The following COG1 variants were observed in gnomAD, a reference collection of about 807,000 sequenced individuals.
COG1 encodes the protein conserved oligomeric Golgi complex subunit 1.
A neutral mutation model predicts 102.2 loss-of-function variants in COG1; 61 were observed. That is an observed-to-expected ratio of 0.60 (90% confidence interval 0.49 to 0.74). The LOEUF is 0.74. Among genes scored for constraint, COG1 ranks in the 30% least tolerant of loss-of-function variants. The pLI is 0.00. For missense variants in COG1, 1,164 were observed against 1,232.1 expected, an observed-to-expected ratio of 0.94 and a Z score of 0.83; for synonymous variants, 454 against 493.6, an observed-to-expected ratio of 0.92 and a Z score of 1.06.
rs753327660 is a variant in COG1, at chr17:73,199,933, A to C, written c.982A>C (p.Ile328Leu). ...CSWFKHLPAS[I>L]VEFQPTLRTL... is the part of the protein sequence containing the mutation. ...CTGGTTTAAACACCTGCCAGCATCC[A>C]TCGTCGAGTTCCAGCCAACACTCCG... The change falls in exon 5 of 14, where the codon ATC becomes CTC. Residue 328 changes from isoleucine to leucine, a missense_variant. Physicochemically the swap from Ile to Leu is conservative, Grantham distance 5 (BLOSUM62 2). Transcript: ENST00000299886. 6.2e-7 allele frequency: 1 copy of C among 1,614,230 alleles called. No homozygotes were observed. The highest frequency in any genetic ancestry group is 8.5e-7 in the Non-Finnish European group (1 of 1,180,048).
intron 5 of COG1, 24 bp downstream of exon 5, chr17:73,200,045 C>A: frequency 1.2e-6 from 2 of 1,601,350 alleles, no homozygotes; most frequent in South Asian, 2.2e-5. Context: ...AAGAGCTTCC[C>A]TGCAGCTGGC....
At position 73,207,169 on chromosome 17, in the gene COG1, CTT is replaced by C. The variant is rs772384573; in HGVS notation, c.2730-11_2730-10del. ...TGTTTGTGCTACTAAATTCTTTCCTCTTGTTTTGGAGGTTTGGACTTCTCCCA... is the reference window on the plus strand; with the variant it reads ...TGTTTGTGCTACTAAATTCTTTCCTCGTTTTGGAGGTTTGGACTTCTCCCA... On this transcript the variant is annotated splice_polypyrimidine_tract_variant and intron_variant, in intron 12 of 13. Coordinates refer to ENST00000299886, the MANE Select transcript of COG1 (RefSeq NM_018714.3). The C allele has an allele frequency of 1.2e-5, 20 of 1,606,722 alleles. No homozygotes were observed. The highest frequency in any genetic ancestry group is 1.1e-4 in the East Asian group (5 of 44,114).
In COG1 at chr17:73,201,809, T is replaced by G. The variant is rs139676777; in HGVS notation, c.1982T>G (p.Ile661Ser). The change falls in exon 7 of 14, where the codon ATT (isoleucine) becomes AGT (serine). Residue 661 changes from isoleucine to serine, a missense_variant. Physicochemically the swap from Ile to Ser is moderately radical, Grantham distance 142. Transcript: ENST00000299886. ...GGAAAGGTGAAAACTCAGGAAATCA[T>G]TCCTACACAGGCCAAGTGGCAAGAG... ...KQGKVKTQEI[I>S]PTQAKWQEVK... is the part of the protein sequence containing the mutation. 104 of 1,613,978 alleles carry G rather than the reference T, an allele frequency of 6.4e-5. No homozygotes were observed. The highest frequency in any genetic ancestry group is 8.5e-5 in the Non-Finnish European group (100 of 1,180,028).
In COG1 at chr17:73,197,003, TCTC is replaced by T. The variant is rs1167821168; in HGVS notation, c.668_670del (p.Pro223del). 4.3e-6 allele frequency: 7 copies of T among 1,614,148 alleles called. No individual in the cohort carries two copies. The highest frequency in any genetic ancestry group is 3.3e-5 in the Admixed American group (2 of 60,022). ...CTCTATAATGCTCTTAGAAGAGAGT[TCTC>T]CTCGCCAAGCCCTCACAGACTTCCT... On this transcript the variant is annotated inframe_deletion, in exon 3 of 14. Coordinates refer to ENST00000299886, the MANE Select transcript of COG1 (RefSeq NM_018714.3).
chr17:73,201,586 G>T lies in COG1; in HGVS notation c.1759G>T (p.Ala587Ser), dbSNP rs748232299. ...CAAGCACATCGTGGACTGCATCCGG[G>T]CAGAGCTACAGAGCATTGAAGAGGG... ...CIKHIVDCIRAELQSIEEGVQ... is the reference protein window; with the variant it reads ...CIKHIVDCIRSELQSIEEGVQ... The change falls in exon 7 of 14, where the codon GCA becomes TCA. Residue 587 changes from alanine (A) to serine (S), a missense_variant. Ala to Ser is a moderately conservative substitution (Grantham distance 99). Coordinates refer to ENST00000299886, the MANE Select transcript of COG1 (RefSeq NM_018714.3). The T allele has an allele frequency of 6.2e-7, 1 of 1,614,218 alleles. No individual in the cohort carries two copies. Among genetic ancestry groups the T allele is most frequent in the Non-Finnish European group, 8.5e-7 (1 of 1,180,052 alleles).
Position 73,201,982 on chromosome 17 carries a change from T to C in COG1, c.2073+82T>C, listed in dbSNP as rs2061348906. ...TGCCAACCTCAATCAGTTCCTTCAG[T>C]AGTAAAGGCAAAACAATTCTGATTT... On this transcript the variant is annotated intron_variant, in intron 7 of 13. Transcript: ENST00000299886. The C allele has an allele frequency of 4.7e-6, 6 of 1,289,626 alleles. No individual in the cohort carries two copies. The East Asian group carries it at 1.2e-4, about 25-fold the overall frequency. The allele number at this position is 1,289,626 out of a possible 1,614,324, so 79.9% of individuals were successfully genotyped here.
chr17:73,206,260 T>G lies in COG1; in HGVS notation c.2617T>G (p.Ser873Ala), dbSNP rs139330442. ...SNLHRLVQRT[S>A]VLFGLVTGTE... ...CCTTCATCGCCTGGTGCAGCGAACTTCTGTGAGTCAAATCAAAAACATGCT... is the reference window on the plus strand; with the variant it reads ...CCTTCATCGCCTGGTGCAGCGAACTGCTGTGAGTCAAATCAAAAACATGCT... Residue 873 changes from serine to alanine, a missense_variant and splice_region_variant, in exon 11 of 14, where the codon TCT becomes GCT. Ser to Ala is a moderately conservative substitution (Grantham distance 99). Coordinates refer to ENST00000299886, the MANE Select transcript of COG1 (RefSeq NM_018714.3). 1.4e-5 allele frequency: 22 copies of G among 1,613,328 alleles called. No homozygotes were observed. The Middle Eastern group carries it at 5.0e-4, about 36-fold the overall frequency.
In COG1 at chr17:73,200,560, T is replaced by C; in HGVS notation, c.1071-6T>C. On this transcript the variant is annotated splice_polypyrimidine_tract_variant and splice_region_variant and intron_variant, in intron 5 of 13. Coordinates refer to ENST00000299886, the MANE Select transcript of COG1 (RefSeq NM_018714.3). ...ATGGAGCCCAAAGAACATGATTCTGTTGCAGGTGTAATGAAGACATTAAAA... is the reference window on the plus strand; with the variant it reads ...ATGGAGCCCAAAGAACATGATTCTGCTGCAGGTGTAATGAAGACATTAAAA... The C allele has an allele frequency of 6.2e-7, 1 of 1,612,994 alleles. No individual in the cohort carries two copies. The highest frequency in any genetic ancestry group is 1.1e-5 in the South Asian group (1 of 91,058).
In COG1 at chr17:73,207,270, G is replaced by A. The variant is rs775854243; in HGVS notation, c.2805+14G>A. 2.5e-6 allele frequency: 4 copies of A among 1,613,542 alleles called. No individual in the cohort carries two copies. The highest frequency in any genetic ancestry group is 2.7e-5 in the African/African-American group (2 of 74,826). On this transcript the variant is annotated intron_variant, in intron 13 of 13. Coordinates refer to ENST00000299886, the MANE Select transcript of COG1 (RefSeq NM_018714.3). ...ACAAAAGCTCAGGTTGGTGCCAAGA[G>A]CAAGAGGCTCATCCGTGGATGGGTC...
intron 10 of COG1, 65 bp downstream of exon 10, chr17:73,205,745 G>T (rs2061367980): frequency 6.3e-7 from 1 of 1,598,832 alleles, no homozygotes; most frequent in Non-Finnish European, 8.6e-7. Flanking sequence ...TCCCTTTGCT[G>T]GGAAGCCACC....
rs1394711709 is a variant in COG1 at position 73,201,510 on chromosome 17, A to G, written c.1683A>G (p.Ala561=). The G allele has an allele frequency of 1.9e-6, 3 of 1,614,130 alleles. No individual in the cohort carries two copies. Among genetic ancestry groups the G allele is most frequent in the Non-Finnish European group, 1.7e-6 (2 of 1,180,046 alleles). The change falls in exon 7 of 14, where the codon GCA becomes GCG. Residue 561 remains alanine (A), a synonymous_variant. Coordinates refer to ENST00000299886, the MANE Select transcript of COG1 (RefSeq NM_018714.3). ...AGAGTTCTGCCTTTGACAGATACGC[A>G]GATGCGGGGACCGTGCAGGAGATGC... ...QAKSSAFDRY[A]DAGTVQEMLR... is the part of the protein sequence containing the mutation.
chr17:73,200,550 C>A lies in COG1; in HGVS notation c.1071-16C>A. ...CATGCCTCTGATGGAGCCCAAAGAA[C>A]ATGATTCTGTTGCAGGTGTAATGAA... On this transcript the variant is annotated splice_polypyrimidine_tract_variant and intron_variant, in intron 5 of 13. Transcript: ENST00000299886. 1 of 1,609,394 alleles carries A rather than the reference C, an allele frequency of 6.2e-7. No individual in the cohort carries two copies. The highest frequency in any genetic ancestry group is 8.5e-7 in the Non-Finnish European group (1 of 1,175,742).
Position 73,208,168 on chromosome 17 carries a change from A to G in COG1, c.2806-146A>G. On this transcript the variant is annotated intron_variant, in intron 13 of 13. Coordinates refer to ENST00000299886, the MANE Select transcript of COG1 (RefSeq NM_018714.3). ...CCGTGTCCTCTTCAAATCTGGACCG[A>G]CAGCAAAGTCCTCTGACTAGAGCCA... 9 of 1,537,898 alleles carry G rather than the reference A, an allele frequency of 5.9e-6. No homozygotes were observed. In the South Asian group the frequency reaches 1.1e-4, roughly 18 times the overall value.
chr17:73,207,430 T>TA lies in COG1; in HGVS notation c.2805+175dup, dbSNP rs1168585321. 1.3e-5 allele frequency: 10 copies of TA among 743,338 alleles called. No homozygotes were observed. In the African/African-American group the frequency reaches 1.4e-4, roughly 10 times the overall value. 46.0% of individuals were successfully genotyped at this position (743,338 alleles called of 1,614,324 possible). A position where few individuals can be genotyped will look rare whatever the true frequency, so the allele number is the denominator to read the frequency against. ...ACAAGGTTTTACTAGCTTGAGCTAC[T>TA]AGAAGGTGTAAAAGATGCCCGCTGA... is the stretch of plus-strand genomic sequence containing the variant. On this transcript the variant is annotated intron_variant, in intron 13 of 13. Transcript: ENST00000299886.
intron 13 of COG1, 59 bp downstream of exon 13, chr17:73,207,315 C>T: frequency 1.4e-6 from 2 of 1,453,228 alleles, no homozygotes; most frequent in Non-Finnish European, 1.9e-6. Flanking sequence ...CACCGAGCCA[C>T]CCATGATCAG....
chr17:73,196,884 GTCA>G lies in COG1; in HGVS notation c.561-11_561-9del, dbSNP rs779512890. 93 of 1,614,078 alleles carry G rather than the reference GTCA, an allele frequency of 5.8e-5. No individual in the cohort carries two copies. The highest frequency in any genetic ancestry group is 7.8e-5 in the Non-Finnish European group (92 of 1,180,046). On this transcript the variant is annotated splice_polypyrimidine_tract_variant and intron_variant, in intron 2 of 13. Coordinates refer to ENST00000299886, the MANE Select transcript of COG1 (RefSeq NM_018714.3). ...TGTGAAAAACACCCTGGCGACTTCTGTCATCATTTTTCTAGGTCAACTATTCTG... is the reference window on the plus strand; with the variant it reads ...TGTGAAAAACACCCTGGCGACTTCTGTCATTTTTCTAGGTCAACTATTCTG...
At chr17:73,204,414 A>G (rs1481787492) in intron 9 of COG1, among the ~76,000 whole-genome samples, 1 of 144,524 alleles carries the variant, frequency 6.9e-6, no homozygotes. Context: ...GTGGGGAGTT[A>G]GAGAGAACAG....
intron 5 of COG1, 65 bp downstream of exon 5, chr17:73,200,086 A>G (rs1318427452): frequency 2.0e-6 from 3 of 1,536,680 alleles, no homozygotes; most frequent in Non-Finnish European, 2.7e-6. Context: ...TGTACGGGGC[A>G]TTACAAGGGT....
Position 73,200,579 on chromosome 17 carries a change from A to G in COG1, c.1084A>G (p.Ile362Val), listed in dbSNP as rs2061342723. Residue 362 changes from isoleucine to valine, a missense_variant, in exon 6 of 14, where the codon ATT (isoleucine) becomes GTT (valine). Transcript: ENST00000299886. ...QKWIHMCNED[I>V]KNGITNLLMY... is the part of the protein sequence containing the mutation. Reference sequence around the variant, plus strand: ...ATTCTGTTGCAGGTGTAATGAAGACATTAAAAATGGGATCACCAACCTGCT... The same window carrying G: ...ATTCTGTTGCAGGTGTAATGAAGACGTTAAAAATGGGATCACCAACCTGCT... 2 of 1,614,076 alleles carry G rather than the reference A, an allele frequency of 1.2e-6. No homozygotes were observed. Among genetic ancestry groups the G allele is most frequent in the Non-Finnish European group, 1.7e-6 (2 of 1,180,034 alleles).
Sources: gnomAD v4.1 joint callset for allele counts (sites outside exome capture counted in the v4.1 genomes callset) on GRCh38, gnomAD v4.1.1 for gene constraint, MANE v1.5 for transcripts, NCBI Gene and HGNC (gene_info 2026-07-23, HGNC 2026-07-21) for gene names.